The following TMTC3 variants were observed in gnomAD, a reference collection of about 807,000 sequenced individuals.
TMTC3 encodes protein O-mannosyl-transferase TMTC3.
A neutral mutation model predicts 92.2 loss-of-function variants in TMTC3; 52 were observed. The observed-to-expected ratio is 0.56, with a 90% CI of 0.45 to 0.71. TMTC3 has a LOEUF of 0.71. TMTC3 is among the 30% of genes least tolerant of loss of function. TMTC3 has a pLI of 0.00. For synonymous variants in TMTC3, 339 were observed against 363.3 expected (o/e 0.93, Z 0.76); for missense variants, 896 against 1,057.1 (o/e 0.85, Z 2.11).
intron 13 of TMTC3, among the ~76,000 whole-genome samples, chr12:88,194,462 G>T (rs61941056): frequency 0.08 from 12,102 of 152,174 alleles, 676 homozygotes; most frequent in African/African-American, 0.15. Context: ...CATGTTCAGT[G>T]TATAAAGTCA....
chr12:88,168,203 C>T (rs1368294453), intron 7 of TMTC3, among the ~76,000 whole-genome samples: 1 of 152,136 alleles, frequency 6.6e-6, no homozygotes, highest in Non-Finnish European at 1.5e-5. Context: ...CTAACAGATG[C>T]TCTTGAGGGG....
chr12:88,161,081 G>A (rs1448855749), intron 6 of TMTC3, among the ~76,000 whole-genome samples: 1 of 152,006 alleles, frequency 6.6e-6, no homozygotes, highest in African/African-American at 2.4e-5. Flanking sequence ...ATCCCAAACT[G>A]GTTAAGTGTT....
chr12:88,185,315 T>A (rs2041364192), intron 10 of TMTC3, among the ~76,000 whole-genome samples: 1 of 152,226 alleles, frequency 6.6e-6, no homozygotes, highest in South Asian at 2.1e-4. Context: ...TGTGTATGAA[T>A]GGAATTATAC....
chr12:88,167,983 C>T (rs1022193109), intron 7 of TMTC3, among the ~76,000 whole-genome samples: 1 of 152,122 alleles, frequency 6.6e-6, no homozygotes, highest in African/African-American at 2.4e-5. Context: ...CAGAAGTTCA[C>T]TCATACTCAT....
At chr12:88,172,863 T>G in intron 8 of TMTC3, 118 bp downstream of exon 8, 1 of 1,475,772 alleles carries the variant, frequency 6.8e-7, no homozygotes, top group East Asian at 2.5e-5. Context: ...TGGTTTTTCA[T>G]CTCCATAGTC....
Position 88,195,538 on chromosome 12 carries a change from A to G in TMTC3, c.2634A>G (p.Gly878=). The G allele has an allele frequency of 6.2e-7, 1 of 1,613,336 alleles. No homozygotes were observed. The highest frequency in any genetic ancestry group is 8.5e-7 in the Non-Finnish European group (1 of 1,179,712). ...SKSNKQLGKN[G]DEETPHKTTK... is the part of the protein sequence containing the mutation. Reference sequence around the variant, plus strand: ...CCAACAAACAATTAGGAAAAAATGGAGACGAAGAGACACCCCACAAAACAA... The same window carrying G: ...CCAACAAACAATTAGGAAAAAATGGGGACGAAGAGACACCCCACAAAACAA... The change falls in exon 14 of 14, where the codon GGA becomes GGG. Residue 878 remains glycine (G), a synonymous_variant. Coordinates refer to ENST00000266712, the MANE Select transcript of TMTC3 (RefSeq NM_181783.4).
At chr12:88,176,154 A>G in intron 9 of TMTC3, 54 bp from the exon 10 acceptor site, 1 of 1,176,312 alleles carries the variant, frequency 8.5e-7, no homozygotes, top group Non-Finnish European at 1.2e-6. Flanking sequence ...ATCTGTATGA[A>G]CTGGAGTCAT....
Position 88,178,831 on chromosome 12 carries a change from G to C in TMTC3, c.1432+2512G>C, listed in dbSNP as rs533058152. ...TAGGCCCCTCAGACTCTTCTTTCTT[G>C]TTTCTAAAATGGGATAGTAATTTCT... On this transcript the variant is annotated intron_variant, in intron 10 of 13. Transcript: ENST00000266712. Among the ~76,000 whole-genome samples, 3 of 152,254 alleles carry C rather than the reference G, an allele frequency of 2.0e-5. No individual in the cohort carries two copies. The East Asian group carries it at 5.8e-4, about 29-fold the overall frequency.
chr12:88,179,673 G>T (rs920014724), intron 10 of TMTC3, among the ~76,000 whole-genome samples: 1 of 152,054 alleles, frequency 6.6e-6, no homozygotes, highest in Admixed American at 6.6e-5. Flanking sequence ...GCACAGCTTA[G>T]CACCGCCAAT....
At chr12:88,191,224 G>C (rs12321539) in intron 12 of TMTC3, among the ~76,000 whole-genome samples, 12,098 of 152,126 alleles carry the variant, frequency 0.08, 682 homozygotes, top group African/African-American at 0.15. Context: ...AGTACATTCT[G>C]AATTTAAGTT....
intron 2 of TMTC3, among the ~76,000 whole-genome samples, chr12:88,152,716 C>G (rs1290307139): frequency 3.9e-5 from 6 of 152,040 alleles, no homozygotes; most frequent in African/African-American, 1.4e-4. Context: ...TTTGCATATT[C>G]TAAGAAAGTT....
intron 6 of TMTC3, among the ~76,000 whole-genome samples, chr12:88,163,002 A>C (rs1239964724): frequency 6.7e-6 from 1 of 148,886 alleles, no homozygotes; most frequent in Middle Eastern, 3.5e-3. Flanking sequence ...CGCAACCTCC[A>C]CCTCCCAGGT....
At chr12:88,163,401 G>A (rs2041103075) in intron 6 of TMTC3, among the ~76,000 whole-genome samples, 1 of 152,184 alleles carries the variant, frequency 6.6e-6, no homozygotes, top group Admixed American at 6.5e-5. Context: ...TAGCTCTAAT[G>A]CATTCAGGAG....
At chr12:88,194,811 T>TA (rs759290205) in intron 13 of TMTC3, 27 bp from the exon 14 acceptor site, 1 of 1,391,350 alleles carries the variant, frequency 7.2e-7, no homozygotes, top group South Asian at 1.6e-5. Context: ...ATTAACAATA[T>TA]ATTTTTTCTT....
chr12:88,171,617 G>T (rs1355173618), intron 7 of TMTC3, among the ~76,000 whole-genome samples: 2 of 152,040 alleles, frequency 1.3e-5, no homozygotes, highest in African/African-American at 4.8e-5. Context: ...GGATACTTAG[G>T]TTGTTCCCAT....
In TMTC3 at chr12:88,163,057, A is replaced by G. The variant is rs2041098838; in HGVS notation, c.797+2206A>G. Among the ~76,000 whole-genome samples, 3 of 152,150 alleles carry G rather than the reference A, an allele frequency of 2.0e-5. No individual in the cohort carries two copies. The South Asian group carries it at 6.2e-4, about 32-fold the overall frequency. On this transcript the variant is annotated intron_variant, in intron 6 of 13. Transcript: ENST00000266712. ...CAGCCTACTGAGTAGCTGAGACTACAGGCATGCGCCACCACGCCCAGCTGA... is the reference window on the plus strand; with the variant it reads ...CAGCCTACTGAGTAGCTGAGACTACGGGCATGCGCCACCACGCCCAGCTGA...
intron 4 of TMTC3, among the ~76,000 whole-genome samples, chr12:88,156,315 G>A (rs1358260957): frequency 6.6e-6 from 1 of 152,180 alleles, no homozygotes; most frequent in Non-Finnish European, 1.5e-5. Flanking sequence ...GCCACTCTTT[G>A]TTCATCCTGT....
chr12:88,143,049 C>T (rs1317653660), intron 1 of TMTC3, among the ~76,000 whole-genome samples: 40 of 152,068 alleles, frequency 2.6e-4, no homozygotes, highest in Admixed American at 2.2e-3. Context: ...TCATCCTGCT[C>T]GTCTGCTCAC....
chr12:88,166,992 G>GT (rs36110529), intron 7 of TMTC3, among the ~76,000 whole-genome samples: 5,205 of 121,320 alleles, frequency 0.043, 123 homozygotes, highest in South Asian at 0.05. Flanking sequence ...TATTTGAACA[G>GT]TTTTTTTTTT....
Sources: gnomAD v4.1 joint callset for allele counts (sites outside exome capture counted in the v4.1 genomes callset) on GRCh38, gnomAD v4.1.1 for gene constraint, MANE v1.5 for transcripts, NCBI Gene and HGNC (gene_info 2026-07-23, HGNC 2026-07-21) for gene names.